E2F7: variants seen among roughly 807,000 people sequenced by gnomAD.
E2F7 encodes transcription factor E2F7.
A neutral mutation model predicts 81.1 loss-of-function variants in E2F7; 35 were observed. The ratio of observed to expected loss-of-function variants is 0.43; its 90% CI spans 0.33 to 0.57. The LOEUF (loss-of-function observed/expected upper bound fraction) is 0.57. E2F7 is among the 20% of genes least tolerant of loss of function. E2F7 has a pLI of 0.04. For missense variants in E2F7, 961 were observed against 1,093.7 expected, an observed-to-expected ratio of 0.88 and a Z score of 1.71; for synonymous variants, 416 against 416.2, an observed-to-expected ratio of 1.00 and a Z score of 0.01.
At chr12:77,040,240 G>C (rs932065448) in intron 7 of E2F7, among the ~76,000 whole-genome samples, 5 of 152,200 alleles carry the variant, frequency 3.3e-5, no homozygotes, top group Non-Finnish European at 5.9e-5. Flanking sequence ...TGTAACTCAT[G>C]CCTGATCAAC....
rs150502235 is a variant in E2F7 at position 77,029,207 on chromosome 12, T to C, written c.1884+624A>G. 2.8e-3 allele frequency among the ~76,000 whole-genome samples: 427 copies of C among 152,344 alleles called. 3 individuals are homozygous for C. The highest frequency in any genetic ancestry group is 9.9e-3 in the African/African-American group (412 of 41,570). ...AAAAATAGAGAAAGGTTCTTAATTA[T>C]TGTAATGATTTCCACGAAGTGTGCC... On this transcript the variant is annotated intron_variant, in intron 10 of 12. Coordinates refer to ENST00000322886, the MANE Select transcript of E2F7 (RefSeq NM_203394.3).
At chr12:77,042,455 G>T (rs1465664231) in intron 7 of E2F7, among the ~76,000 whole-genome samples, 7 of 152,166 alleles carry the variant, frequency 4.6e-5, no homozygotes, top group African/African-American at 1.7e-4. Flanking sequence ...AAAATAGCTG[G>T]TGCAGTTGGA....
chr12:77,025,614 G>A lies in E2F7; in HGVS notation c.2509C>T (p.Gln837Ter). The change falls in exon 12 of 13, where the codon CAA becomes TAA. Residue 837 changes from glutamine (Q) to a stop codon, truncating the protein, a stop_gained. Transcript: ENST00000322886. LOFTEE classifies it high-confidence loss of function. ...VMSRSHSVVQ[Q>*]PESPVYVGHP... is the part of the protein sequence containing the mutation. The stretch of plus-strand genomic sequence containing the variant: ...CCCACGTAAACGGGGGACTCAGGTT[G>A]TTGGACGACACTGTGTGACCTTGAC... 1 of 1,614,208 alleles carries A rather than the reference G, an allele frequency of 6.2e-7. No individual in the cohort carries two copies. Among genetic ancestry groups the A allele is most frequent in the Non-Finnish European group, 8.5e-7 (1 of 1,180,050 alleles).
intron 10 of E2F7, among the ~76,000 whole-genome samples, chr12:77,029,351 GT>G (rs1954784769): frequency 6.6e-6 from 1 of 152,110 alleles, no homozygotes; most frequent in Admixed American, 6.5e-5. Flanking sequence ...TCATACTTTT[GT>G]TCTTTTCATT....
At chr12:77,048,671 T>C (rs562198419) in intron 4 of E2F7, among the ~76,000 whole-genome samples, 2 of 152,266 alleles carry the variant, frequency 1.3e-5, no homozygotes, top group East Asian at 1.9e-4. Flanking sequence ...CATTTTATGA[T>C]GTCACATGAA....
At chr12:77,063,685 A>C (rs1312461831) in intron 2 of E2F7, among the ~76,000 whole-genome samples, 1 of 152,174 alleles carries the variant, frequency 6.6e-6, no homozygotes, top group African/African-American at 2.4e-5. Context: ...GGAGCATACA[A>C]TTTCGCATCT....
Position 77,027,951 on chromosome 12 carries a change from G to T in E2F7, c.2072C>A (p.Pro691His). The part of the protein sequence containing the change: ...NPSRNTDVEK[P>H]SKENESTKEP... ...TTTGGTGCTTTCATTTTCTTTTGAA[G>T]GCTTTTCAACATCTGTATTTCTTGA... The change falls in exon 11 of 13, where the codon CCT becomes CAT. Residue 691 changes from proline (P) to histidine (H), a missense_variant. By Grantham distance (77) the Pro-to-His change is moderately conservative (BLOSUM62 -2). This residue lies in a region of E2F7 where 587 missense variants were observed against 620.3 expected (regional missense o/e 0.95). Coordinates refer to ENST00000322886, the MANE Select transcript of E2F7 (RefSeq NM_203394.3). The T allele has an allele frequency of 2.5e-6, 4 of 1,614,180 alleles. No homozygotes were observed. The highest frequency in any genetic ancestry group is 3.4e-6 in the Non-Finnish European group (4 of 1,180,044).
intron 2 of E2F7, among the ~76,000 whole-genome samples, chr12:77,059,687 G>A (rs886185916): frequency 1.3e-5 from 2 of 152,198 alleles, no homozygotes; most frequent in Non-Finnish European, 2.9e-5. Flanking sequence ...GCTGGTAGAA[G>A]TAGCACAGAC....
At chr12:77,038,492 A>G (rs1399726251) in intron 7 of E2F7, among the ~76,000 whole-genome samples, 1 of 152,198 alleles carries the variant, frequency 6.6e-6, no homozygotes, top group African/African-American at 2.4e-5. Context: ...TAGAAACTAT[A>G]TGTTACATGT....
intron 7 of E2F7, among the ~76,000 whole-genome samples, chr12:77,040,012 C>T (rs1268966356): frequency 2.0e-5 from 3 of 152,180 alleles, no homozygotes; most frequent in Non-Finnish European, 4.4e-5. Flanking sequence ...TCATTATTCA[C>T]AGTAGTTATG....
intron 2 of E2F7, among the ~76,000 whole-genome samples, chr12:77,056,871 G>A (rs1435332883): frequency 6.7e-6 from 1 of 150,104 alleles, no homozygotes; most frequent in African/African-American, 2.4e-5. Flanking sequence ...AATTGCTACT[G>A]AGGTTTATTT....
At position 77,043,055 on chromosome 12, in the gene E2F7, G is replaced by A. The variant is rs772107605; in HGVS notation, c.1123+10C>T. On this transcript the variant is annotated intron_variant, in intron 7 of 12. Coordinates refer to ENST00000322886, the MANE Select transcript of E2F7 (RefSeq NM_203394.3). The stretch of plus-strand genomic sequence containing the variant: ...TAAAACAGCCTGCTAGCAAAACCAC[G>A]CCACCTTACCACTTGAGCTGAAGTC... 24 of 1,613,778 alleles carry A rather than the reference G, an allele frequency of 1.5e-5. No homozygotes were observed. The highest frequency in any genetic ancestry group is 6.7e-5 in the African/African-American group (5 of 74,896).
chr12:77,036,775 T>C (rs1427437526), intron 7 of E2F7, among the ~76,000 whole-genome samples: 3 of 150,100 alleles, frequency 2.0e-5, no homozygotes, highest in Non-Finnish European at 4.4e-5. Context: ...AGAGTCTCGC[T>C]CTGTCGCCCA....
intron 7 of E2F7, 38 bp from the exon 8 acceptor site, chr12:77,034,080 C>T: frequency 6.4e-7 from 1 of 1,552,658 alleles, no homozygotes; most frequent in African/African-American, 1.4e-5. Context: ...TGTTATACAG[C>T]TGTAATTCAG....
chr12:77,049,079 A>G (rs989888435), intron 4 of E2F7, among the ~76,000 whole-genome samples: 15 of 152,212 alleles, frequency 9.9e-5, no homozygotes, highest in African/African-American at 3.4e-4. Context: ...AGGAGCAGTC[A>G]GCAGTCCCTT....
chr12:77,036,892 C>T (rs371523204), intron 7 of E2F7, among the ~76,000 whole-genome samples: 11 of 152,256 alleles, frequency 7.2e-5, no homozygotes, highest in East Asian at 3.9e-4. Flanking sequence ...CAGGCGCCCG[C>T]CACCACGCCT....
Position 77,030,134 on chromosome 12 carries a change from A to G in E2F7, c.1581T>C (p.Ala527=). The change falls in exon 10 of 13, where the codon GCT becomes GCC. Residue 527 remains alanine, a synonymous_variant. Transcript: ENST00000322886. ...GGCTCTCCACAGCAGAGGCTGCAGA[A>G]GCAAGTGAGACATCCACTTGTCCAT... ...GLNGQVDVSL[A]SAASAVESLK... 2 of 1,614,226 alleles carry G rather than the reference A, an allele frequency of 1.2e-6. No individual in the cohort carries two copies. Among genetic ancestry groups the G allele is most frequent in the Non-Finnish European group, 1.7e-6 (2 of 1,180,034 alleles).
At chr12:77,053,108 G>C (rs1011934815) in intron 3 of E2F7, among the ~76,000 whole-genome samples, 1 of 152,158 alleles carries the variant, frequency 6.6e-6, no homozygotes, top group African/African-American at 2.4e-5. Flanking sequence ...ATTATCTTGT[G>C]AACATCTGTA....
chr12:77,043,825 AC>A (rs1349791743), intron 6 of E2F7, among the ~76,000 whole-genome samples: 2 of 152,188 alleles, frequency 1.3e-5, no homozygotes, highest in Non-Finnish European at 2.9e-5. Flanking sequence ...TACAGGAAAT[AC>A]TCAGAAGGGG....
Sources: gnomAD v4.1 joint callset for allele counts (sites outside exome capture counted in the v4.1 genomes callset) on GRCh38, gnomAD v4.1.1 for gene constraint, gnomAD v4.1.1 regional missense constraint, MANE v1.5 for transcripts, NCBI Gene and HGNC (gene_info 2026-07-23, HGNC 2026-07-21) for gene names.